OSBPL2: variants seen among roughly 807,000 people sequenced by gnomAD.
OSBPL2 encodes the protein oxysterol-binding protein-related protein 2.
A neutral mutation model predicts 58.4 loss-of-function variants in OSBPL2; 18 were observed. That is an observed-to-expected ratio of 0.31 (90% CI 0.21 to 0.46). The LOEUF (loss-of-function observed/expected upper bound fraction) is 0.46. OSBPL2 is among the 20% of genes least tolerant of loss of function. OSBPL2 has a pLI of 1.00. For synonymous variants in OSBPL2, 221 were observed against 234.1 expected (o/e 0.94, Z 0.51); for missense variants, 461 against 616.5 (o/e 0.75, Z 2.67).
chr20:62,247,915 G>A (rs1274330696), intron 1 of OSBPL2, among the ~76,000 whole-genome samples: 2 of 151,338 alleles, frequency 1.3e-5, no homozygotes, highest in Admixed American at 6.6e-5. Context: ...CGCCCACCTC[G>A]GCCTCCCAAA....
chr20:62,293,762 C>T (rs758758212), intron 13 of OSBPL2, 23 bp from the exon 14 acceptor site: 1 of 1,608,250 alleles, frequency 6.2e-7, no homozygotes, highest in East Asian at 2.2e-5. Context: ...CATCTTCTGA[C>T]CCCCCTCCCT....
intron 1 of OSBPL2, among the ~76,000 whole-genome samples, chr20:62,246,697 G>A (rs7509447): frequency 6.6e-6 from 1 of 152,098 alleles, no homozygotes; most frequent in Non-Finnish European, 1.5e-5. Context: ...AGAGAGCTGC[G>A]CCCCTGTCCC....
At chr20:62,243,091 A>T (rs1979839450) in intron 1 of OSBPL2, among the ~76,000 whole-genome samples, 1 of 152,220 alleles carries the variant, frequency 6.6e-6, no homozygotes, top group Admixed American at 6.5e-5. Flanking sequence ...TTATTGCCTT[A>T]AAACTAGGGG....
At chr20:62,261,275 C>T (rs189896880) in intron 3 of OSBPL2, among the ~76,000 whole-genome samples, 3 of 148,028 alleles carry the variant, frequency 2.0e-5, no homozygotes, top group Non-Finnish European at 4.4e-5. Context: ...GAGGTCACGC[C>T]GCTGCACTCC....
chr20:62,252,724 G>A (rs1286066876), intron 1 of OSBPL2, among the ~76,000 whole-genome samples: 2 of 152,238 alleles, frequency 1.3e-5, no homozygotes, highest in African/African-American at 2.4e-5. Context: ...TCTGCTCTAC[G>A]GGAAACATGG....
At chr20:62,268,727 G>A (rs1204756968) in intron 4 of OSBPL2, among the ~76,000 whole-genome samples, 18 of 152,120 alleles carry the variant, frequency 1.2e-4, no homozygotes. Flanking sequence ...AGCCTCTGGA[G>A]TAGCTGGGAC....
At chr20:62,263,222 T>C (rs1259188767) in intron 3 of OSBPL2, among the ~76,000 whole-genome samples, 1 of 152,198 alleles carries the variant, frequency 6.6e-6, no homozygotes, top group Non-Finnish European at 1.5e-5. Context: ...TTCAGGTCAC[T>C]CTTGCTGCCC....
chr20:62,293,346 C>T (rs556916899), intron 13 of OSBPL2, among the ~76,000 whole-genome samples: 6 of 152,324 alleles, frequency 3.9e-5, no homozygotes, highest in Admixed American at 6.5e-5. Context: ...AGCGCCAACA[C>T]TCAGGCCCTG....
intron 4 of OSBPL2, among the ~76,000 whole-genome samples, 154 bp downstream of exon 4, chr20:62,263,845 C>T (rs1363791042): frequency 1.3e-5 from 2 of 152,114 alleles, no homozygotes; most frequent in East Asian, 3.9e-4. Flanking sequence ...GTGGGCGGAT[C>T]ACGAGGTCAG....
rs186060807 is a variant in OSBPL2 at position 62,290,898 on chromosome 20, C to T, written c.1250-805C>T. On this transcript the variant is annotated intron_variant, in intron 12 of 13. Coordinates refer to ENST00000313733, the MANE Select transcript of OSBPL2 (RefSeq NM_144498.4). ...GATTACAGGTGCCCGCCACCACACC[C>T]GGCCAATTTTTGTATTTTTAGTAGA... 2.4e-3 allele frequency among the ~76,000 whole-genome samples: 357 copies of T among 151,774 alleles called. 2 individuals carry two copies. The highest frequency in any genetic ancestry group is 6.3e-3 in the African/African-American group (259 of 41,354).
chr20:62,285,805 C>T (rs1983079930), intron 10 of OSBPL2: 1 of 152,832 alleles, frequency 6.5e-6, no homozygotes, highest in African/African-American at 2.4e-5. Context: ...CTTCCTTCAT[C>T]TCCACGAAGG....
At chr20:62,279,981 C>T in intron 7 of OSBPL2, 2 of 1,304,070 alleles carry the variant, frequency 1.5e-6, no homozygotes, top group Non-Finnish European at 2.0e-6. Context: ...CCCCTCTTCA[C>T]TCTCAGCCTA....
intron 7 of OSBPL2, 74 bp from the exon 8 acceptor site, chr20:62,280,984 G>A: frequency 8.3e-7 from 1 of 1,200,990 alleles, no homozygotes; most frequent in East Asian, 2.4e-5. Flanking sequence ...GCCCCGCCTG[G>A]TCGTTGCGTC....
intron 1 of OSBPL2, among the ~76,000 whole-genome samples, chr20:62,247,455 C>T (rs1193965544): frequency 1.3e-5 from 2 of 152,186 alleles, no homozygotes; most frequent in African/African-American, 2.4e-5. Flanking sequence ...TCAGCGGGAC[C>T]GCGGGGACTG....
chr20:62,291,532 C>T (rs538574650), intron 12 of OSBPL2, 171 bp from the exon 13 acceptor site: 13 of 670,892 alleles, frequency 1.9e-5, no homozygotes, highest in African/African-American at 3.5e-5. Context: ...GCGTGCCGGC[C>T]GCTGTGGCCT....
intron 6 of OSBPL2, among the ~76,000 whole-genome samples, chr20:62,277,607 C>T (rs139019132): frequency 6.6e-6 from 1 of 152,212 alleles, no homozygotes; most frequent in Non-Finnish European, 1.5e-5. Context: ...CTACAGATCC[C>T]TTGTTATAGC....
chr20:62,269,954 C>T lies in OSBPL2; in HGVS notation c.259-2171C>T, dbSNP rs955149938. Among the ~76,000 whole-genome samples the T allele has an allele frequency of 2.6e-5, 4 of 152,242 alleles. No individual in the cohort carries two copies. The highest frequency in any genetic ancestry group is 5.9e-5 in the Non-Finnish European group (4 of 68,038). On this transcript the variant is annotated intron_variant, in intron 4 of 13. Coordinates refer to ENST00000313733, the MANE Select transcript of OSBPL2 (RefSeq NM_144498.4). This position sits in a 1 kb window ranked among gnomAD's most constrained non-coding sequence, Gnocchi z 4.2. ...TGGGGCCTGCTCGCCCCTGCAGCAG[C>T]CTGAGCCGCAGGCTCTGTGCGTCTG... is the stretch of plus-strand genomic sequence containing the variant.
chr20:62,287,011 C>CG (rs1983177192), intron 11 of OSBPL2, among the ~76,000 whole-genome samples: 1 of 152,234 alleles, frequency 6.6e-6, no homozygotes. Flanking sequence ...AGCTGCCCGC[C>CG]GGGCACACAT....
chr20:62,292,785 T>G (rs1983605382), intron 13 of OSBPL2, among the ~76,000 whole-genome samples: 1 of 152,156 alleles, frequency 6.6e-6, no homozygotes, highest in Non-Finnish European at 1.5e-5. Flanking sequence ...TGTTTGGGCT[T>G]CCAATTTAAT....
Sources: gnomAD v4.1 joint callset for allele counts (sites outside exome capture counted in the v4.1 genomes callset) on GRCh38, gnomAD v4.1.1 for gene constraint, Gnocchi (gnomAD v3.1) non-coding constraint, MANE v1.5 for transcripts, NCBI Gene and HGNC (gene_info 2026-07-23, HGNC 2026-07-21) for gene names.